The following ADK variants were observed in gnomAD, a reference collection of about 807,000 sequenced individuals.
ADK encodes adenosine kinase, also known as N6,N6-dimethyladenosine kinase.
In ADK, 24 loss-of-function variants were observed where a neutral mutation model predicts 44.7. The ratio of observed to expected loss-of-function variants is 0.54; its 90% confidence interval spans 0.39 to 0.76. The LOEUF is 0.76. ADK is among the 30% of genes least tolerant of loss of function. The probability of loss-of-function intolerance (pLI) is 0.00; values close to 1 mark genes in which losing one functional copy is unlikely to be tolerated. For synonymous variants in ADK, 128 were observed against 142.6 expected (o/e 0.90, Z 0.73); for missense variants, 321 against 425.1 (o/e 0.76, Z 2.15).
rs181531173 is a variant in ADK at position 74,695,094 on chromosome 10, C to G, written c.965-13227C>G. 3.5e-4 allele frequency among the ~76,000 whole-genome samples: 53 copies of G among 152,190 alleles called. 1 individual carries two copies. In the East Asian group the frequency reaches 9.8e-3, roughly 28 times the overall value. ...GTTGTAGCTCAAGTTTCCACCTTTT[C>G]TCTATTTATTTATAGCTATGCCAAC... On this transcript the variant is annotated intron_variant, in intron 10 of 10. Coordinates refer to ENST00000539909, the MANE Select transcript of ADK (RefSeq NM_006721.4).
chr10:74,213,759 G>A (rs760623688), intron 2 of ADK, among the ~76,000 whole-genome samples: 8 of 152,086 alleles, frequency 5.3e-5, no homozygotes, highest in Non-Finnish European at 8.8e-5. Context: ...TGTCAGTGGC[G>A]CCCTCTGCCA....
At chr10:74,323,964 C>T (rs1840914415) in intron 4 of ADK, among the ~76,000 whole-genome samples, 1 of 152,086 alleles carries the variant, frequency 6.6e-6, no homozygotes, top group Non-Finnish European at 1.5e-5. Context: ...TCCATTCAAC[C>T]CCTTGGCCCC....
At chr10:74,429,179 G>C (rs529334179) in intron 6 of ADK, among the ~76,000 whole-genome samples, 1 of 152,174 alleles carries the variant, frequency 6.6e-6, no homozygotes, top group Non-Finnish European at 1.5e-5. Context: ...ACATCTTAAA[G>C]TAGACTAATA....
intron 9 of ADK, among the ~76,000 whole-genome samples, chr10:74,621,409 A>C (rs919469506): frequency 1.3e-5 from 2 of 152,126 alleles, no homozygotes; most frequent in African/African-American, 2.4e-5. Flanking sequence ...TGAGTTCTCT[A>C]TTCTGTTCCA....
At chr10:74,312,496 G>A (rs887847163) in intron 3 of ADK, among the ~76,000 whole-genome samples, 28 of 148,036 alleles carry the variant, frequency 1.9e-4, no homozygotes, top group African/African-American at 6.0e-4. Flanking sequence ...TTTAAAAATT[G>A]CACATTTATT....
chr10:74,564,745 T>A (rs1850589486), intron 7 of ADK, among the ~76,000 whole-genome samples: 1 of 152,108 alleles, frequency 6.6e-6, no homozygotes, highest in African/African-American at 2.4e-5. Flanking sequence ...AATAATCCAA[T>A]TTTAAATCCC....
rs1304478895 is a variant in ADK, at chr10:74,291,422, C to A, written c.195-23245C>A. On this transcript the variant is annotated intron_variant, in intron 3 of 10. Transcript: ENST00000539909. Reference sequence around the variant, plus strand: ...ACAGAGTGAGACTCCGTCTCAAAAACAACAACAACAACAACAACAATAACA... The same window carrying A: ...ACAGAGTGAGACTCCGTCTCAAAAAAAACAACAACAACAACAACAATAACA... 2.0e-5 allele frequency among the ~76,000 whole-genome samples: 3 copies of A among 151,614 alleles called. No individual in the cohort carries two copies. The East Asian group carries it at 5.8e-4, about 29-fold the overall frequency.
intron 6 of ADK, among the ~76,000 whole-genome samples, chr10:74,501,131 A>G (rs1324956661): frequency 6.6e-6 from 1 of 152,246 alleles, no homozygotes; most frequent in African/African-American, 2.4e-5. Context: ...ACAATTACAC[A>G]GAAAAAAATC....
chr10:74,685,061 C>T (rs967511102), intron 10 of ADK, among the ~76,000 whole-genome samples: 1 of 152,086 alleles, frequency 6.6e-6, no homozygotes, highest in Non-Finnish European at 1.5e-5. Flanking sequence ...GAAAAGCATT[C>T]ATGTGAACAC....
intron 6 of ADK, among the ~76,000 whole-genome samples, chr10:74,479,683 C>T (rs1234744730): frequency 6.6e-6 from 1 of 151,846 alleles, no homozygotes; most frequent in African/African-American, 2.4e-5. Context: ...TATTTCTTTT[C>T]TAGCCATTAG....
At chr10:74,200,948 T>G in intron 2 of ADK, 110 bp downstream of exon 2, 1 of 783,324 alleles carries the variant, frequency 1.3e-6, no homozygotes, top group South Asian at 1.5e-5. Flanking sequence ...AAAGGAAAAC[T>G]CAGGAAATTT....
chr10:74,218,031 T>C (rs1844133879), intron 2 of ADK, among the ~76,000 whole-genome samples: 2 of 152,180 alleles, frequency 1.3e-5, no homozygotes, highest in Admixed American at 6.5e-5. Context: ...AGAATGACTT[T>C]GACGAGTTGA....
At chr10:74,410,297 G>C (rs948813259) in intron 6 of ADK, among the ~76,000 whole-genome samples, 1 of 151,996 alleles carries the variant, frequency 6.6e-6, no homozygotes, top group Admixed American at 6.6e-5. Context: ...GAAAAGATTT[G>C]AGAAAGTTTC....
At chr10:74,484,595 A>G (rs890070255) in intron 6 of ADK, among the ~76,000 whole-genome samples, 4 of 152,186 alleles carry the variant, frequency 2.6e-5, no homozygotes, top group Admixed American at 1.3e-4. Context: ...GTGAAACTTT[A>G]CCATACATTT....
intron 8 of ADK, among the ~76,000 whole-genome samples, chr10:74,599,516 C>T (rs543053789): frequency 3.0e-4 from 46 of 152,262 alleles, no homozygotes; most frequent in African/African-American, 1.1e-3. Flanking sequence ...TGAAACTTTG[C>T]ATAGTGATAG....
intron 7 of ADK, among the ~76,000 whole-genome samples, chr10:74,553,196 T>G (rs913396082): frequency 2.8e-5 from 3 of 108,414 alleles, no homozygotes; most frequent in South Asian, 3.5e-4. Context: ...TTGTGTTTTT[T>G]TTTTTTTTTT....
At chr10:74,472,893 T>C (rs1446583088) in intron 6 of ADK, among the ~76,000 whole-genome samples, 1 of 152,212 alleles carries the variant, frequency 6.6e-6, no homozygotes, top group African/African-American at 2.4e-5. Flanking sequence ...TTAGATGTCA[T>C]AATTTTAGCC....
Position 74,670,289 on chromosome 10 carries a change from A to C in ADK, c.964+20A>C. ...TTGGAGGTACAGACTAATTTATTTCATTCTTACTTACAAGTAAAACATTTT... is the reference window on the plus strand; with the variant it reads ...TTGGAGGTACAGACTAATTTATTTCCTTCTTACTTACAAGTAAAACATTTT... On this transcript the variant is annotated intron_variant, in intron 10 of 10. Coordinates refer to ENST00000539909, the MANE Select transcript of ADK (RefSeq NM_006721.4). 6.3e-7 allele frequency: 1 copy of C among 1,578,384 alleles called. No homozygotes were observed. Among genetic ancestry groups the C allele is most frequent in the Middle Eastern group, 1.7e-4 (1 of 5,990 alleles).
At chr10:74,580,617 C>A (rs1243580650) in intron 7 of ADK, among the ~76,000 whole-genome samples, 1 of 151,270 alleles carries the variant, frequency 6.6e-6, no homozygotes, top group Non-Finnish European at 1.5e-5. Flanking sequence ...AGCTCTCTCT[C>A]TTTGCCTGCT....
Sources: gnomAD v4.1 joint callset for allele counts (sites outside exome capture counted in the v4.1 genomes callset) on GRCh38, gnomAD v4.1.1 for gene constraint, MANE v1.5 for transcripts, NCBI Gene and HGNC (gene_info 2026-07-23, HGNC 2026-07-21) for gene names.